BAZ2B: variants seen among roughly 807,000 people sequenced by gnomAD.
The protein encoded by BAZ2B is bromodomain adjacent to zinc finger domain 2B, also known as bromodomain adjacent to zinc finger domain protein 2B.
A neutral mutation model predicts 246.0 loss-of-function variants in BAZ2B; 91 were observed. The observed-to-expected ratio is 0.37, with a 90% confidence interval of 0.31 to 0.44. The LOEUF is 0.44. Among genes scored for constraint, BAZ2B ranks in the 20% least tolerant of loss-of-function variants. The pLI, the probability that BAZ2B is intolerant of heterozygous loss-of-function variation, is 1.00. For missense variants in BAZ2B, 2,332 were observed against 2,533.7 expected (o/e 0.92, Z 1.71); for synonymous variants, 855 against 860.0 (o/e 0.99, Z 0.10).
intron 1 of BAZ2B, among the ~76,000 whole-genome samples, chr2:159,573,291 T>A (rs1684464736): frequency 6.6e-6 from 1 of 152,130 alleles, no homozygotes; most frequent in Non-Finnish European, 1.5e-5. Context: ...CAAAGCAGAG[T>A]AGCATGGCTT....
At chr2:159,538,337 T>C (rs1458708652) in intron 2 of BAZ2B, among the ~76,000 whole-genome samples, 1 of 152,242 alleles carries the variant, frequency 6.6e-6, no homozygotes, top group East Asian at 1.9e-4. Flanking sequence ...ACTGTATATA[T>C]GAAATATTTG....
intron 14 of BAZ2B, among the ~76,000 whole-genome samples, chr2:159,410,955 C>T (rs1243621635): frequency 6.6e-6 from 1 of 152,100 alleles, no homozygotes; most frequent in East Asian, 1.9e-4. Flanking sequence ...TGAGTGGTTG[C>T]ATGTGTGTGT....
intron 3 of BAZ2B, among the ~76,000 whole-genome samples, chr2:159,455,955 G>C (rs1479970700): frequency 6.6e-6 from 1 of 151,832 alleles, no homozygotes; most frequent in South Asian, 2.1e-4. Context: ...AACATACTAT[G>C]ATCAGTTCTT....
chr2:159,430,763 C>T, intron 10 of BAZ2B, 100 bp downstream of exon 10: 1 of 1,497,738 alleles, frequency 6.7e-7, no homozygotes, highest in Non-Finnish European at 8.9e-7. Flanking sequence ...TAACTTTAAT[C>T]TTGATTCCAG....
At chr2:159,553,273 T>C (rs888239120) in intron 2 of BAZ2B, among the ~76,000 whole-genome samples, 2 of 150,828 alleles carry the variant, frequency 1.3e-5, no homozygotes, top group Non-Finnish European at 2.9e-5. Flanking sequence ...CACCTGCTTG[T>C]AATCCCAGCT....
intron 2 of BAZ2B, among the ~76,000 whole-genome samples, chr2:159,553,745 A>G (rs571229449): frequency 2.0e-5 from 3 of 152,176 alleles, no homozygotes; most frequent in Non-Finnish European, 4.4e-5. Flanking sequence ...TATATTACAT[A>G]ATATATAAAT....
intron 27 of BAZ2B, among the ~76,000 whole-genome samples, chr2:159,362,690 T>C (rs1376098920): frequency 1.3e-5 from 2 of 152,134 alleles, no homozygotes; most frequent in African/African-American, 4.8e-5. Context: ...CTGGGGACAG[T>C]GGTAATTCAC....
intron 2 of BAZ2B, among the ~76,000 whole-genome samples, chr2:159,545,664 A>G (rs1165774954): frequency 6.6e-6 from 1 of 152,194 alleles, no homozygotes; most frequent in Admixed American, 6.5e-5. Context: ...AAGTACTGAG[A>G]CAGACTCTAA....
the BAZ2B span, among the ~76,000 whole-genome samples, chr2:159,657,805 T>C: frequency 6.6e-6 from 1 of 152,256 alleles, no homozygotes; most frequent in Non-Finnish European, 1.5e-5. Flanking sequence ...GTATATTCAC[T>C]TCGTATCGTG....
At chr2:159,484,310 G>T (rs1386566107) in intron 2 of BAZ2B, among the ~76,000 whole-genome samples, 1 of 152,152 alleles carries the variant, frequency 6.6e-6, no homozygotes, top group African/African-American at 2.4e-5. Flanking sequence ...TGATTTTGAT[G>T]ACCCAAAGCT....
chr2:159,647,320 G>A, the BAZ2B span, among the ~76,000 whole-genome samples: 4 of 152,160 alleles, frequency 2.6e-5, no homozygotes, highest in African/African-American at 7.2e-5. Context: ...AAGAGCCAAC[G>A]TTTCAGTTCA....
Position 159,433,352 on chromosome 2 carries a change from T to C in BAZ2B, c.1305A>G (p.Lys435=), listed in dbSNP as rs61733380. The change falls in exon 9 of 37, where the codon AAA becomes AAG. Residue 435 remains lysine (K), a synonymous_variant. Coordinates refer to ENST00000392783, the MANE Select transcript of BAZ2B (RefSeq NM_013450.4). ...SELRSKREQY[K]QAFPSQLKKQ... ...TCTTTAACTGTGATGGGAATGCCTG[T>C]TTATATTGTTCCTGTTGAAACATAA... The C allele has an allele frequency of 0.052, 83,828 of 1,609,744 alleles. 2,691 individuals are homozygous for C. Among genetic ancestry groups the C allele is most frequent in the Middle Eastern group, 0.12 (742 of 6,044 alleles).
At chr2:159,547,167 C>T (rs922963478) in intron 2 of BAZ2B, among the ~76,000 whole-genome samples, 4 of 152,026 alleles carry the variant, frequency 2.6e-5, no homozygotes, top group African/African-American at 9.7e-5. Context: ...ATGAGATGTG[C>T]TATTTGCAAA....
intron 1 of BAZ2B, among the ~76,000 whole-genome samples, chr2:159,561,029 A>G (rs1549387): frequency 0.47 from 71,993 of 151,968 alleles, 17,556 homozygotes; most frequent in Middle Eastern, 0.64. Flanking sequence ...AGAACTTTCT[A>G]CAATGATGGG....
chr2:159,528,060 A>G (rs2084942901), intron 2 of BAZ2B, among the ~76,000 whole-genome samples: 1 of 152,212 alleles, frequency 6.6e-6, no homozygotes, highest in Non-Finnish European at 1.5e-5. Context: ...AGATGTAAGC[A>G]GGAGACAGGC....
chr2:159,606,217 A>G (rs1693454525), intron 1 of BAZ2B, among the ~76,000 whole-genome samples: 1 of 152,196 alleles, frequency 6.6e-6, no homozygotes, highest in Non-Finnish European at 1.5e-5. Flanking sequence ...CTTATTTAAA[A>G]TTGTCTCCTT....
chr2:159,545,433 G>C (rs918155785), intron 2 of BAZ2B, among the ~76,000 whole-genome samples: 1 of 152,134 alleles, frequency 6.6e-6, no homozygotes, highest in African/African-American at 2.4e-5. Context: ...CACTGTAAGT[G>C]ATCAAAATCC....
chr2:159,529,143 AT>A (rs1421525497), intron 2 of BAZ2B, among the ~76,000 whole-genome samples: 2 of 152,126 alleles, frequency 1.3e-5, no homozygotes, highest in African/African-American at 2.4e-5. Flanking sequence ...ACATAAAAAA[AT>A]AAATAAAACA....
chr2:159,326,214 C>CACT (rs1381066175), intron 34 of BAZ2B, among the ~76,000 whole-genome samples: 2 of 151,988 alleles, frequency 1.3e-5, no homozygotes, highest in Non-Finnish European at 2.9e-5. Flanking sequence ...CAGTCTAGGT[C>CACT]ACTACTTGAA....
Sources: allele counts gnomAD v4.1 joint callset (sites outside exome capture counted in the v4.1 genomes callset), GRCh38; gene constraint gnomAD v4.1.1; transcripts MANE v1.5; gene names NCBI Gene and HGNC (gene_info 2026-07-23, HGNC 2026-07-21).